Variants in OPHN1 observed in about 807,000 individuals in gnomAD.
OPHN1 encodes oligophrenin-1.
A neutral mutation model predicts 60.7 loss-of-function variants in OPHN1; 11 were observed. That is an observed-to-expected ratio of 0.18 (90% CI 0.11 to 0.30). The LOEUF (loss-of-function observed/expected upper bound fraction) is 0.30. Ranked by LOEUF, OPHN1 falls within the 10% of genes least tolerant of loss-of-function variation. The pLI is 1.00. For missense variants in OPHN1, 449 were observed against 611.0 expected (o/e 0.73, Z 2.80); for synonymous variants, 226 against 222.6 (o/e 1.02, Z -0.14).
intron 12 of OPHN1, among the ~76,000 whole-genome samples, chrX:68,195,074 G>GAA (rs2077507615): frequency 9.3e-6 from 1 of 107,860 alleles, no homozygotes; most frequent in African/African-American, 3.5e-5. Flanking sequence ...AAGAAAGAAA[G>GAA]AAAATACTTG....
intron 20 of OPHN1, among the ~76,000 whole-genome samples, chrX:68,066,854 T>C (rs2076914755): frequency 8.9e-6 from 1 of 112,235 alleles, no homozygotes; most frequent in Non-Finnish European, 1.9e-5. Flanking sequence ...GAGAGTTCAT[T>C]GCTCTGTCAG....
intron 19 of OPHN1, among the ~76,000 whole-genome samples, chrX:68,078,724 G>A (rs905148152): frequency 1.8e-5 from 2 of 111,001 alleles, no homozygotes; most frequent in Non-Finnish European, 3.8e-5. Flanking sequence ...GGTGGCTCAT[G>A]TCTGTAATCT....
Position 68,170,639 on chromosome X carries a change from T to G in OPHN1, c.1276+22280A>C, listed in dbSNP as rs921032595. On this transcript the variant is annotated intron_variant, in intron 15 of 24. Coordinates refer to ENST00000355520, the MANE Select transcript of OPHN1 (RefSeq NM_002547.3). ...AGTTCATGTCCTTTGTAGGGACATG[T>G]ATGAAATTGGAAATCATCATTCTCA... 1.2e-4 allele frequency among the ~76,000 whole-genome samples: 13 copies of G among 109,296 alleles called. No individual in the cohort carries two copies. The South Asian group carries it at 1.2e-3, about 10-fold the overall frequency. The allele number at this position is 109,296 out of a possible 115,157, so 94.9% of individuals were successfully genotyped here. A position where few individuals can be genotyped will look rare whatever the true frequency, so the allele number is the denominator to read the frequency against.
intron 2 of OPHN1, among the ~76,000 whole-genome samples, chrX:68,362,842 C>T (rs763252157): frequency 2.3e-4 from 26 of 111,513 alleles, no homozygotes; most frequent in Non-Finnish European, 4.3e-4. Context: ...TAACAAATGT[C>T]TCACACTAAT....
chrX:68,402,407 G>A (rs867902583), intron 2 of OPHN1, among the ~76,000 whole-genome samples: 1 of 103,945 alleles, frequency 9.6e-6, no homozygotes, highest in African/African-American at 3.4e-5. Flanking sequence ...GAGAAGAGAA[G>A]GAAGAGAAGA....
chrX:68,355,665 G>C (rs2078436374), intron 2 of OPHN1, among the ~76,000 whole-genome samples: 1 of 112,037 alleles, frequency 8.9e-6, no homozygotes, highest in Non-Finnish European at 1.9e-5. Flanking sequence ...AGCAATTGCT[G>C]GTGCTAATTT....
At chrX:68,116,470 G>A (rs1300392094) in intron 16 of OPHN1, among the ~76,000 whole-genome samples, 3 of 111,492 alleles carry the variant, frequency 2.7e-5, no homozygotes, top group South Asian at 7.7e-4. Flanking sequence ...AGACCCCTTA[G>A]AAAGGAATTT....
chrX:68,194,801 T>G lies in OPHN1; in HGVS notation c.1105-303A>C, dbSNP rs2077503644. On this transcript the variant is annotated intron_variant, in intron 12 of 24. Transcript: ENST00000355520. Reference sequence around the variant, plus strand: ...CTGGCAAACATCATGAAACCCCATCTCTACAAAAATCCAAAAATTAGCCAG... The same window carrying G: ...CTGGCAAACATCATGAAACCCCATCGCTACAAAAATCCAAAAATTAGCCAG... Among the ~76,000 whole-genome samples the G allele has an allele frequency of 2.7e-5, 3 of 109,223 alleles. No homozygotes were observed. The South Asian group carries it at 1.2e-3, about 44-fold the overall frequency. 94.8% of individuals were successfully genotyped at this position (109,223 alleles called of 115,157 possible).
rs761504047 is a variant in OPHN1, at chrX:68,378,590, A to T, written c.154+54277T>A. ...GGTCTAATGTTTAAGTCTTTAATCC[A>T]TCTTGAATTAATTTTTGTATAAGGT... On this transcript the variant is annotated intron_variant, in intron 2 of 24. Coordinates refer to ENST00000355520, the MANE Select transcript of OPHN1 (RefSeq NM_002547.3). 8.9e-5 allele frequency among the ~76,000 whole-genome samples: 10 copies of T among 111,834 alleles called. No homozygotes were observed. In the South Asian group the frequency reaches 3.8e-3, roughly 42 times the overall value.
At chrX:68,261,227 T>C (rs1177552808) in intron 5 of OPHN1, among the ~76,000 whole-genome samples, 1 of 111,349 alleles carries the variant, frequency 9.0e-6, no homozygotes, top group Non-Finnish European at 1.9e-5. Context: ...TGGCTGTTCC[T>C]CTCTGGCAAG....
intron 2 of OPHN1, among the ~76,000 whole-genome samples, chrX:68,393,881 C>CTTTTTT (rs757567783): frequency 2.6e-3 from 66 of 25,462 alleles, no homozygotes; most frequent in South Asian, 0.015. Context: ...ATCCAATAGA[C>CTTTTTT]TTTGTTTTTT....
At chrX:68,130,802 C>T (rs2077191112) in intron 15 of OPHN1, among the ~76,000 whole-genome samples, 1 of 111,811 alleles carries the variant, frequency 8.9e-6, no homozygotes, top group Admixed American at 9.5e-5. Flanking sequence ...CTCATATTCC[C>T]TCTTCAAGTC....
At chrX:68,265,542 A>G (rs917054839) in intron 5 of OPHN1, among the ~76,000 whole-genome samples, 21 of 111,635 alleles carry the variant, frequency 1.9e-4, no homozygotes, top group Non-Finnish European at 2.8e-4. Flanking sequence ...CAAAATCATC[A>G]AAGACCAAAG....
chrX:68,305,855 G>T (rs2078142603), intron 2 of OPHN1, among the ~76,000 whole-genome samples: 1 of 111,758 alleles, frequency 8.9e-6, no homozygotes, highest in Non-Finnish European at 1.9e-5. Flanking sequence ...TTCCAGAGTT[G>T]CCACATGATT....
At chrX:68,415,182 C>T (rs1369310079) in intron 2 of OPHN1, among the ~76,000 whole-genome samples, 7 of 111,936 alleles carry the variant, frequency 6.3e-5, no homozygotes, top group Non-Finnish European at 1.1e-4. Context: ...GCCCTACTTA[C>T]ACATGGGAAC....
Position 68,188,919 on chromosome X carries a change from T to C in OPHN1, c.1276+4000A>G, listed in dbSNP as rs913840448. On this transcript the variant is annotated intron_variant, in intron 15 of 24. Coordinates refer to ENST00000355520, the MANE Select transcript of OPHN1 (RefSeq NM_002547.3). ...GTCTATATATATTAGGTATTCCACTTAGTTTCTGAGAAGTCCACGTATCTT... is the reference window on the plus strand; with the variant it reads ...GTCTATATATATTAGGTATTCCACTCAGTTTCTGAGAAGTCCACGTATCTT... Among the ~76,000 whole-genome samples, 3 of 112,359 alleles carry C rather than the reference T, an allele frequency of 2.7e-5. No individual in the cohort carries two copies. In the South Asian group the frequency reaches 1.1e-3, roughly 41 times the overall value.
intron 5 of OPHN1, among the ~76,000 whole-genome samples, chrX:68,247,186 T>A (rs1459448240): frequency 1.8e-5 from 2 of 111,448 alleles, no homozygotes; most frequent in Non-Finnish European, 3.8e-5. Context: ...GTGTCTTCTC[T>A]AAGTCTTCCT....
At chrX:68,373,263 C>T (rs1009556260) in intron 2 of OPHN1, among the ~76,000 whole-genome samples, 5 of 112,269 alleles carry the variant, frequency 4.5e-5, no homozygotes, top group East Asian at 2.8e-4. Context: ...AGGCTCCCAA[C>T]GCAGTACTGA....
chrX:68,370,023 T>TATAC (rs757430589), intron 2 of OPHN1, among the ~76,000 whole-genome samples: 5 of 91,637 alleles, frequency 5.5e-5, no homozygotes. Context: ...TATATATATA[T>TATAC]ATATATATAT....
Sources: allele counts gnomAD v4.1 joint callset (sites outside exome capture counted in the v4.1 genomes callset), GRCh38; gene constraint gnomAD v4.1.1; transcripts MANE v1.5; gene names NCBI Gene and HGNC (gene_info 2026-07-23, HGNC 2026-07-21).